BICC1: variants seen among roughly 807,000 people sequenced by gnomAD.
BICC1 encodes protein bicaudal C homolog 1.
BICC1 carries 43 observed loss-of-function variants against 111.0 expected under a neutral mutation model. That is an observed-to-expected ratio of 0.39 (90% confidence interval 0.30 to 0.50). BICC1 has a LOEUF of 0.50. Among genes scored for constraint, BICC1 ranks in the 20% least tolerant of loss-of-function variants. BICC1 has a pLI of 0.88. For missense variants in BICC1, 1,091 were observed against 1,203.2 expected (o/e 0.91, Z 1.38); for synonymous variants, 467 against 434.4 (o/e 1.07, Z -0.93).
chr10:58,826,186 GAC>G (rs1375664675), intron 20 of BICC1, among the ~76,000 whole-genome samples: 5 of 152,264 alleles, frequency 3.3e-5, no homozygotes, highest in African/African-American at 1.2e-4. Flanking sequence ...GTCATTATAT[GAC>G]AACTTAAAGC....
At chr10:58,741,870 T>G (rs993172787) in intron 3 of BICC1, among the ~76,000 whole-genome samples, 1 of 152,216 alleles carries the variant, frequency 6.6e-6, no homozygotes, top group Non-Finnish European at 1.5e-5. Flanking sequence ...GCTGGCACTT[T>G]GAACCAGCAA....
intron 3 of BICC1, among the ~76,000 whole-genome samples, chr10:58,783,596 C>T (rs574275779): frequency 3.0e-4 from 31 of 102,550 alleles, no homozygotes; most frequent in African/African-American, 9.7e-4. Flanking sequence ...TCAGGCGGAA[C>T]TGGTGGTAAA....
At chr10:58,694,546 G>T (rs1435760092) in intron 2 of BICC1, among the ~76,000 whole-genome samples, 1 of 152,182 alleles carries the variant, frequency 6.6e-6, no homozygotes, top group African/African-American at 2.4e-5. Context: ...AAATTCATGC[G>T]TAGTGGAACT....
intron 2 of BICC1, among the ~76,000 whole-genome samples, chr10:58,664,915 C>T (rs2132302589): frequency 6.6e-6 from 1 of 152,216 alleles, no homozygotes; most frequent in East Asian, 1.9e-4. Context: ...TGAGTGCAAA[C>T]AGACTTCAGA....
At chr10:58,729,963 G>C (rs918436451) in intron 3 of BICC1, among the ~76,000 whole-genome samples, 1 of 152,122 alleles carries the variant, frequency 6.6e-6, no homozygotes, top group Non-Finnish European at 1.5e-5. Flanking sequence ...TGACCCCACA[G>C]ATCTCATATC....
chr10:58,577,959 T>C (rs868146103), intron 1 of BICC1, among the ~76,000 whole-genome samples: 2 of 152,216 alleles, frequency 1.3e-5, no homozygotes, highest in African/African-American at 4.8e-5. Flanking sequence ...AGAGTTTCTT[T>C]CTTAAATTTT....
intron 3 of BICC1, among the ~76,000 whole-genome samples, chr10:58,712,317 G>T (rs1234645806): frequency 6.6e-6 from 1 of 152,106 alleles, no homozygotes; most frequent in East Asian, 1.9e-4. Context: ...TAAACATGCT[G>T]TTACCATATG....
intron 1 of BICC1, among the ~76,000 whole-genome samples, chr10:58,563,575 T>C (rs1429816818): frequency 6.6e-6 from 1 of 152,200 alleles, no homozygotes; most frequent in Non-Finnish European, 1.5e-5. Context: ...TGCAGTGTTC[T>C]CTCTTAGACA....
intron 8 of BICC1, among the ~76,000 whole-genome samples, chr10:58,792,045 G>A (rs1835345257): frequency 1.3e-5 from 2 of 152,112 alleles, no homozygotes; most frequent in Admixed American, 1.3e-4. Flanking sequence ...ACCCACCTAA[G>A]CCTCCCAAAG....
chr10:58,796,596 C>T (rs1843361985), intron 10 of BICC1, 70 bp downstream of exon 10: 1 of 1,433,778 alleles, frequency 7.0e-7, no homozygotes, highest in Admixed American at 2.4e-5. Flanking sequence ...TTTCTTTCTA[C>T]CATTCGGGTC....
intron 2 of BICC1, among the ~76,000 whole-genome samples, chr10:58,670,822 CT>C (rs1839160882): frequency 1.3e-5 from 2 of 152,096 alleles, no homozygotes; most frequent in Non-Finnish European, 2.9e-5. Context: ...GATAAACAAA[CT>C]GGTGGGTTTC....
intron 2 of BICC1, among the ~76,000 whole-genome samples, chr10:58,688,875 G>T (rs2132400605): frequency 6.6e-6 from 1 of 152,122 alleles, no homozygotes; most frequent in African/African-American, 2.4e-5. Context: ...ACTGGGGCCT[G>T]TTGGGGAGTG....
At chr10:58,815,818 T>A (rs1229675482) in intron 18 of BICC1, among the ~76,000 whole-genome samples, 3 of 152,194 alleles carry the variant, frequency 2.0e-5, no homozygotes, top group Non-Finnish European at 4.4e-5. Flanking sequence ...TATGTAAGAT[T>A]CCTTTTAAAT....
intron 1 of BICC1, among the ~76,000 whole-genome samples, chr10:58,550,456 A>G (rs1231278461): frequency 2.0e-5 from 3 of 152,292 alleles, no homozygotes; most frequent in East Asian, 1.9e-4. Flanking sequence ...CAATTTATCT[A>G]TCTTCTTTCA....
intron 14 of BICC1, among the ~76,000 whole-genome samples, chr10:58,801,892 G>A (rs1237159812): frequency 1.3e-5 from 2 of 152,100 alleles, no homozygotes; most frequent in Non-Finnish European, 2.9e-5. Context: ...TTATAGGCTA[G>A]AGAAACAGTT....
chr10:58,676,463 G>A (rs1443500542), intron 2 of BICC1, among the ~76,000 whole-genome samples: 1 of 152,146 alleles, frequency 6.6e-6, no homozygotes, highest in African/African-American at 2.4e-5. Flanking sequence ...CATTACTGAG[G>A]CTTACGCAAA....
intron 2 of BICC1, among the ~76,000 whole-genome samples, chr10:58,626,446 A>G (rs1306145205): frequency 6.6e-6 from 1 of 152,236 alleles, no homozygotes; most frequent in Non-Finnish European, 1.5e-5. Context: ...GTCATCATCT[A>G]GAAAGTTACT....
At chr10:58,607,035 G>A (rs753748769) in intron 1 of BICC1, among the ~76,000 whole-genome samples, 8 of 151,980 alleles carry the variant, frequency 5.3e-5, no homozygotes, top group Admixed American at 1.3e-4. Context: ...TAAAACTGTC[G>A]GCCTGGCGCG....
chr10:58,804,006 G>A (rs912593923), intron 15 of BICC1, among the ~76,000 whole-genome samples: 9 of 152,254 alleles, frequency 5.9e-5, no homozygotes, highest in South Asian at 2.1e-4. Flanking sequence ...GAGGAAGAAC[G>A]TTCCACAAAA....
Sources: allele counts gnomAD v4.1 joint callset (sites outside exome capture counted in the v4.1 genomes callset), GRCh38; gene constraint gnomAD v4.1.1; transcripts MANE v1.5; gene names NCBI Gene and HGNC (gene_info 2026-07-23, HGNC 2026-07-21).